The following ULK1 variants were observed in gnomAD, a reference collection of about 807,000 sequenced individuals.
ULK1 encodes the protein unc-51 like autophagy activating kinase 1.
ULK1 carries 48 observed loss-of-function variants against 117.5 expected under a neutral mutation model. The ratio of observed to expected loss-of-function variants is 0.41; its 90% CI spans 0.32 to 0.52. The LOEUF (loss-of-function observed/expected upper bound fraction) is 0.52. ULK1 is among the 20% of genes least tolerant of loss of function. ULK1 has a pLI of 0.29. For synonymous variants in ULK1, 790 were observed against 637.8 expected, an observed-to-expected ratio of 1.24 and a Z score of -3.60; for missense variants, 1,387 against 1,473.4, an observed-to-expected ratio of 0.94 and a Z score of 0.96.
At position 131,914,407 on chromosome 12, in the gene ULK1, C is replaced by T. The variant is rs1232062821; in HGVS notation, c.1303C>T (p.Pro435Ser). The part of the protein sequence containing the change: ...RCGASVPIPV[P>S]TQVQNYQRIE... Reference sequence around the variant, plus strand: ...CGGCGCCTCTGTCCCCATCCCAGTCCCCACGCAGGTGCAGAACTACCAGCG... The same window carrying T: ...CGGCGCCTCTGTCCCCATCCCAGTCTCCACGCAGGTGCAGAACTACCAGCG... The change falls in exon 16 of 28, where the codon CCC (proline) becomes TCC (serine). Residue 435 changes from proline (P) to serine (S), a missense_variant. Pro to Ser is a moderately conservative substitution (Grantham distance 74). Transcript: ENST00000321867. 1 of 1,612,592 alleles carries T rather than the reference C, an allele frequency of 6.2e-7. No homozygotes were observed. The highest frequency in any genetic ancestry group is 1.3e-5 in the African/African-American group (1 of 74,946).
chr12:131,918,760 A>ATAGGGTGCGTGGGGTG, intron 23 of ULK1, 79 bp downstream of exon 23: 1 of 535,730 alleles, frequency 1.9e-6, no homozygotes, highest in Non-Finnish European at 2.6e-6. Flanking sequence ...TGTGTGGGGT[A>ATAGGGTGCGTGGGGTG]TAGGGTGTGT....
intron 3 of ULK1, chr12:131,897,953 A>G (rs915385899): frequency 6.6e-6 from 1 of 152,204 alleles, no homozygotes; most frequent in Non-Finnish European, 1.5e-5. Context: ...AGAGGTCACC[A>G]TCTGTAAGCA....
rs1458623932 is a variant in ULK1, at chr12:131,915,111, A to G, written c.1402A>G (p.Thr468Ala). 6.4e-7 allele frequency: 1 copy of G among 1,571,716 alleles called. No homozygotes were observed. Among genetic ancestry groups the G allele is most frequent in the African/African-American group, 1.4e-5 (1 of 73,468 alleles). ...RSSAIRRSGS[T>A]SPLGFARASP... ...CTCTGCCATCCGCAGGTCAGGCAGCACCAGCCCCCTGGGCTTTGCAAGGGC... is the reference window on the plus strand; with the variant it reads ...CTCTGCCATCCGCAGGTCAGGCAGCGCCAGCCCCCTGGGCTTTGCAAGGGC... The change falls in exon 17 of 28, where the codon ACC (threonine) becomes GCC (alanine). Residue 468 changes from threonine (T) to alanine (A), a missense_variant. Physicochemically the swap from Thr to Ala is moderately conservative, Grantham distance 58. Transcript: ENST00000321867.
chr12:131,911,565 G>A (rs1317313365), intron 12 of ULK1, among the ~76,000 whole-genome samples: 1 of 152,186 alleles, frequency 6.6e-6, no homozygotes, highest in Non-Finnish European at 1.5e-5. Context: ...CCTCTCCACT[G>A]GACACGCCTT....
chr12:131,917,631 C>G (rs916425557), intron 22 of ULK1, 77 bp downstream of exon 22: 2 of 1,279,522 alleles, frequency 1.6e-6, no homozygotes, highest in Non-Finnish European at 2.0e-6. Context: ...CATCCTTTAA[C>G]TCGGGTCACT....
rs893114182 is a variant in ULK1, at chr12:131,912,054, C to T, written c.1061C>T (p.Thr354Ile). ...SGGSKDSSCDTDDFVMVPAQF... is the reference protein window; with the variant it reads ...SGGSKDSSCDIDDFVMVPAQF... The stretch of plus-strand genomic sequence containing the variant: ...GGCAGCAAGGACTCTTCCTGTGACA[C>T]AGACGACTTCGTCATGGTCCCCGCG... Residue 354 changes from threonine (T) to isoleucine (I), a missense_variant, in exon 13 of 28, where the codon ACA becomes ATA. By Grantham distance (89) the Thr-to-Ile change is moderately conservative. Coordinates refer to ENST00000321867, the MANE Select transcript of ULK1 (RefSeq NM_003565.4). 1.2e-6 allele frequency: 2 copies of T among 1,612,746 alleles called. No homozygotes were observed. Among genetic ancestry groups the T allele is most frequent in the Admixed American group, 1.7e-5 (1 of 59,992 alleles).
In ULK1 at chr12:131,917,433, G is replaced by T; in HGVS notation, c.2205G>T (p.Gly735=). 1 of 1,539,940 alleles carries T rather than the reference G, an allele frequency of 6.5e-7. No individual in the cohort carries two copies. ...CAGCACCCTCAGCTGGCTTTGGAGG[G>T]AGCCTGCACCCAGGAGCCCGTGCTG... ...MEIAPSAGFG[G]SLHPGARAGG... Residue 735 remains glycine (G), a synonymous_variant, in exon 22 of 28, where the codon GGG becomes GGT. Transcript: ENST00000321867.
chr12:131,908,362 G>T (rs1253957247), intron 5 of ULK1, among the ~76,000 whole-genome samples: 1 of 152,152 alleles, frequency 6.6e-6, no homozygotes, highest in Middle Eastern at 3.2e-3. Context: ...CGGAACCGCG[G>T]TGGCACTGAG....
intron 16 of ULK1, 136 bp downstream of exon 16, chr12:131,914,613 A>G: frequency 8.3e-7 from 1 of 1,201,922 alleles, no homozygotes; most frequent in African/African-American, 1.5e-5. Flanking sequence ...ACTCAGCACC[A>G]CCATTTACTT....
intron 10 of ULK1, 91 bp from the exon 11 acceptor site, chr12:131,910,163 C>T (rs1889470339): frequency 6.3e-7 from 1 of 1,585,984 alleles, no homozygotes; most frequent in Non-Finnish European, 8.7e-7. Flanking sequence ...GGCAGGTGCC[C>T]AACGCGGCTG....
At position 131,913,609 on chromosome 12, in the gene ULK1, G is replaced by A. The variant is rs1593269589; in HGVS notation, c.1158-138G>A. ...AATCCCAGCTACTCGGGAGGCTGAGGCAGGAGAATCGCTTGAACCCAGGAA... is the reference window on the plus strand; with the variant it reads ...AATCCCAGCTACTCGGGAGGCTGAGACAGGAGAATCGCTTGAACCCAGGAA... On this transcript the variant is annotated intron_variant, in intron 14 of 27. Coordinates refer to ENST00000321867, the MANE Select transcript of ULK1 (RefSeq NM_003565.4). 8 of 584,418 alleles carry A rather than the reference G, an allele frequency of 1.4e-5. No homozygotes were observed. The East Asian group carries it at 2.8e-4, about 21-fold the overall frequency. 36.2% of individuals were successfully genotyped at this position (584,418 alleles called of 1,614,324 possible).
intron 3 of ULK1, among the ~76,000 whole-genome samples, chr12:131,901,956 G>A (rs550954680): frequency 6.6e-6 from 1 of 152,216 alleles, no homozygotes; most frequent in Non-Finnish European, 1.5e-5. Context: ...CAGAAGGGTT[G>A]GGCCACCCAC....
chr12:131,908,873 C>T (rs373850625), intron 6 of ULK1, 25 bp from the exon 7 acceptor site: 4 of 1,608,416 alleles, frequency 2.5e-6, no homozygotes, highest in Middle Eastern at 1.7e-4. Context: ...GGGCCGGCGC[C>T]GGTCCTGACG....
chr12:131,895,064 G>T lies in ULK1; in HGVS notation c.63G>T (p.Leu21=). 1 of 1,582,132 alleles carries T rather than the reference G, an allele frequency of 6.3e-7. No homozygotes were observed. The change falls in exon 1 of 28, where the codon CTG becomes CTT. Residue 21 remains leucine (L), a synonymous_variant. Transcript: ENST00000321867. ...AGTTCGAGTTCTCCCGCAAGGACCT[G>T]ATCGGCCACGGCGCCTTCGCGGTGG... ...VGKFEFSRKD[L]IGHGAFAVVF... is the part of the protein sequence containing the mutation.
At position 131,919,490 on chromosome 12, in the gene ULK1, G is replaced by A; in HGVS notation, c.2703G>A (p.Val901=). 3 of 1,611,744 alleles carry A rather than the reference G, an allele frequency of 1.9e-6. No homozygotes were observed. The highest frequency in any genetic ancestry group is 1.7e-6 in the Non-Finnish European group (2 of 1,179,504). The change falls in exon 25 of 28, where the codon GTG becomes GTA. Residue 901 remains valine (V), a synonymous_variant. Transcript: ENST00000321867. ...SREWGFAEQL[V]LYLKVAELLS... ...CCCCCAGCTTCGCGGAACAGCTGGT[G>A]CTGTACCTGAAGGTGGCCGAGCTAC...
Position 131,908,735 on chromosome 12 carries a change from C to T in ULK1, c.408C>T (p.His136=), listed in dbSNP as rs777540770. The T allele has an allele frequency of 1.9e-6, 3 of 1,608,840 alleles. No homozygotes were observed. Among genetic ancestry groups the T allele is most frequent in the Admixed American group, 3.4e-5 (2 of 59,536 alleles). The part of the protein sequence containing the change: ...MRLLHSKGII[H]RDLKPQNILL... ...TTCTGCACAGCAAAGGCATCATCCA[C>T]CGCGACCTGAAACCGCAGAACATCC... The change falls in exon 6 of 28, where the codon CAC becomes CAT. Residue 136 remains histidine, a synonymous_variant. Coordinates refer to ENST00000321867, the MANE Select transcript of ULK1 (RefSeq NM_003565.4).
chr12:131,920,243 G>C, intron 26 of ULK1, 107 bp downstream of exon 26: 2 of 1,412,962 alleles, frequency 1.4e-6, no homozygotes, highest in African/African-American at 2.8e-5. Flanking sequence ...ACTTTGGGGG[G>C]TGTCACTTCT....
intron 12 of ULK1, 144 bp from the exon 13 acceptor site, chr12:131,911,798 C>G (rs11615995): frequency 2.6e-6 from 3 of 1,140,816 alleles, no homozygotes; most frequent in Non-Finnish European, 3.7e-6. Context: ...GAGCGGAGCA[C>G]AGGAAGAAAG....
chr12:131,916,857 G>A (rs1889812228), intron 20 of ULK1, 96 bp from the exon 21 acceptor site: 11 of 1,174,612 alleles, frequency 9.4e-6, no homozygotes, highest in South Asian at 1.5e-5. Context: ...CCAGGAGACC[G>A]TGCATCATGT....
Sources: gnomAD v4.1 joint callset for allele counts (sites outside exome capture counted in the v4.1 genomes callset) on GRCh38, gnomAD v4.1.1 for gene constraint, MANE v1.5 for transcripts, NCBI Gene and HGNC (gene_info 2026-07-23, HGNC 2026-07-21) for gene names.